OTOGL: variants seen among roughly 807,000 people sequenced by gnomAD.
The protein encoded by OTOGL is otogelin-like protein.
OTOGL carries 285 observed loss-of-function variants against 318.5 expected under a neutral mutation model. The observed-to-expected ratio is 0.89, with a 90% CI of 0.81 to 0.99. OTOGL has a LOEUF of 0.99. Among genes scored for constraint, OTOGL ranks in the 50% least tolerant of loss-of-function variants. The pLI, the probability that OTOGL is intolerant of heterozygous loss-of-function variation, is 0.00. For missense variants in OTOGL, 2,899 were observed against 2,845.6 expected, an observed-to-expected ratio of 1.02 and a Z score of -0.43; for synonymous variants, 987 against 936.5, an observed-to-expected ratio of 1.05 and a Z score of -0.99.
At chr12:80,253,718 G>A in intron 14 of OTOGL, 144 bp downstream of exon 14, 2 of 618,420 alleles carry the variant, frequency 3.2e-6, no homozygotes, top group Admixed American at 2.9e-5. Context: ...TAAACTCCTT[G>A]GGGGAAGGGA....
rs1172877584 is a variant in OTOGL at position 80,266,578 on chromosome 12, C to A, written c.2352C>A (p.Gly784=). The change falls in exon 21 of 59, where the codon GGC becomes GGA. Residue 784 remains glycine (G), a synonymous_variant. Transcript: ENST00000547103. ...CTGAAGGCTGTAATTGTCCGGAAGGCAAATTCTATGAAGACACTCTTAACT... is the reference window on the plus strand; with the variant it reads ...CTGAAGGCTGTAATTGTCCGGAAGGAAAATTCTATGAAGACACTCTTAACT... ...DCAEGCNCPE[G]KFYEDTLNFC... is the part of the protein sequence containing the mutation. 4.3e-6 allele frequency: 7 copies of A among 1,613,346 alleles called. 1 individual carries two copies. The South Asian group carries it at 7.7e-5, about 18-fold the overall frequency.
chr12:80,290,262 A>G (rs921961541), intron 26 of OTOGL, among the ~76,000 whole-genome samples: 1 of 150,942 alleles, frequency 6.6e-6, no homozygotes, highest in African/African-American at 2.4e-5. Context: ...TGGGTAACTC[A>G]GTTGGAAATG....
chr12:80,212,709 C>G (rs1428921982), intron 4 of OTOGL, among the ~76,000 whole-genome samples: 1 of 152,122 alleles, frequency 6.6e-6, no homozygotes, highest in Non-Finnish European at 1.5e-5. Flanking sequence ...ATGTAGCAGA[C>G]AGCTTGAATA....
chr12:80,280,856 G>A (rs28759459), intron 26 of OTOGL, among the ~76,000 whole-genome samples: 13,828 of 151,714 alleles, frequency 0.091, 982 homozygotes, highest in African/African-American at 0.2. Flanking sequence ...TGTTTGTGTC[G>A]TCTTGATTTC....
chr12:80,362,138 C>G (rs1890270302), intron 52 of OTOGL, among the ~76,000 whole-genome samples: 1 of 152,050 alleles, frequency 6.6e-6, no homozygotes, highest in African/African-American at 2.4e-5. Flanking sequence ...TCTTTAATCC[C>G]CTTGGAGTTA....
At chr12:80,251,532 G>A (rs1407884325) in intron 11 of OTOGL, among the ~76,000 whole-genome samples, 161 bp from the exon 12 acceptor site, 3 of 152,136 alleles carry the variant, frequency 2.0e-5, no homozygotes, top group Non-Finnish European at 4.4e-5. Flanking sequence ...TTTCTGCATT[G>A]TTGTACTTAA....
Position 80,239,361 on chromosome 12 carries a change from T to C in OTOGL, c.974T>C (p.Leu325Ser), listed in dbSNP as rs1565920622. The C allele has an allele frequency of 2.5e-6, 4 of 1,610,164 alleles. No individual in the cohort carries two copies. In the South Asian group the frequency reaches 4.4e-5, roughly 18 times the overall value. ...EAIFFKCQIL[L>S]QFPFLSCHEY... ...ATCTTCTTCAAGTGTCAGATACTGT[T>C]GCAGTTTCCTTTTCTGAGCTGCCAT... The change falls in exon 11 of 59, where the codon TTG (leucine) becomes TCG (serine). Residue 325 changes from leucine (L) to serine (S), a missense_variant. By Grantham distance (145) the Leu-to-Ser change is moderately radical. Coordinates refer to ENST00000547103, the MANE Select transcript of OTOGL (RefSeq NM_001378609.3).
chr12:80,103,546 AC>A (rs1453481370), intron 1 of OTOGL, among the ~76,000 whole-genome samples: 2 of 152,028 alleles, frequency 1.3e-5, no homozygotes, highest in African/African-American at 4.8e-5. Flanking sequence ...TATTCAAATC[AC>A]TCTACTTCTC....
At chr12:80,101,697 C>T (rs543452029) in intron 1 of OTOGL, among the ~76,000 whole-genome samples, 72 of 152,168 alleles carry the variant, frequency 4.7e-4, no homozygotes, top group Non-Finnish European at 7.5e-4. Context: ...AAAAAATCCT[C>T]ATTTAATAGA....
intron 46 of OTOGL, among the ~76,000 whole-genome samples, chr12:80,353,857 A>G (rs1889713979): frequency 6.6e-6 from 1 of 152,178 alleles, no homozygotes; most frequent in East Asian, 1.9e-4. Flanking sequence ...ATGCATCTGG[A>G]AAGTGAGGAA....
intron 44 of OTOGL, among the ~76,000 whole-genome samples, chr12:80,348,258 A>C (rs192646545): frequency 6.6e-6 from 1 of 152,276 alleles, no homozygotes; most frequent in East Asian, 1.9e-4. Context: ...TTTAGGTCTT[A>C]CATTTAAGTT....
chr12:80,205,242 G>C (rs1876731870), intron 1 of OTOGL, among the ~76,000 whole-genome samples: 1 of 152,288 alleles, frequency 6.6e-6, no homozygotes, highest in Non-Finnish European at 1.5e-5. Context: ...AGAGAATGAA[G>C]ATAGCTGCAG....
At chr12:80,108,773 A>ATATATATATACACG (rs1869612368) in intron 1 of OTOGL, among the ~76,000 whole-genome samples, 3 of 28,574 alleles carry the variant, frequency 1.0e-4, no homozygotes, top group African/African-American at 2.7e-4. Context: ...ATATACACGT[A>ATATATATATACACG]TATATATATA....
chr12:80,209,438 A>G lies in OTOGL; in HGVS notation c.7A>G (p.Ile3Val). MN[I>V]VRKLNLMIPW... ...GGGGAAAGGCTACACTGAAATGAAC[A>G]TTGTAAGAAAACTCAATTTAATGAT... Residue 3 changes from isoleucine to valine, a missense_variant, in exon 2 of 59, where the codon ATT becomes GTT. By Grantham distance (29) the Ile-to-Val change is conservative. Transcript: ENST00000547103. 1.3e-6 allele frequency: 2 copies of G among 1,500,662 alleles called. No homozygotes were observed. The highest frequency in any genetic ancestry group is 1.8e-6 in the Non-Finnish European group (2 of 1,124,606). The allele number at this position is 1,500,662 out of a possible 1,614,324, so 93.0% of individuals were successfully genotyped here.
chr12:80,198,711 T>A (rs1876254713), intron 1 of OTOGL, among the ~76,000 whole-genome samples: 1 of 152,232 alleles, frequency 6.6e-6, no homozygotes, highest in Admixed American at 6.5e-5. Context: ...GTAAATGACA[T>A]CACCATCAAC....
At chr12:80,171,240 A>C (rs1028021944) in intron 1 of OTOGL, among the ~76,000 whole-genome samples, 1 of 151,712 alleles carries the variant, frequency 6.6e-6, no homozygotes, top group African/African-American at 2.4e-5. Context: ...TGCCCATCTA[A>C]ATTTTTTTTT....
intron 7 of OTOGL, among the ~76,000 whole-genome samples, chr12:80,223,725 T>G (rs1041974447): frequency 6.6e-6 from 1 of 152,152 alleles, no homozygotes; most frequent in Non-Finnish European, 1.5e-5. Flanking sequence ...TTTGTATACC[T>G]TCTTTTGAGA....
intron 44 of OTOGL, among the ~76,000 whole-genome samples, chr12:80,347,790 T>C (rs1889291872): frequency 6.6e-6 from 1 of 152,212 alleles, no homozygotes; most frequent in Non-Finnish European, 1.5e-5. Flanking sequence ...ATCTGTTTCC[T>C]GACTTTTTAA....
chr12:80,289,428 T>C (rs1469165053), intron 26 of OTOGL, among the ~76,000 whole-genome samples: 1 of 152,340 alleles, frequency 6.6e-6, no homozygotes, highest in East Asian at 1.9e-4. Context: ...AGCATTCTGC[T>C]GTGAGATCCG....
Sources: gnomAD v4.1 joint callset for allele counts (sites outside exome capture counted in the v4.1 genomes callset) on GRCh38, gnomAD v4.1.1 for gene constraint, MANE v1.5 for transcripts, NCBI Gene and HGNC (gene_info 2026-07-23, HGNC 2026-07-21) for gene names.